The following ZMAT4 variants were observed in gnomAD, a reference collection of about 807,000 sequenced individuals.
The protein encoded by ZMAT4 is zinc finger matrin-type 4.
In ZMAT4, 17 loss-of-function variants were observed where a neutral mutation model predicts 28.7. The ratio of observed to expected loss-of-function variants is 0.59; its 90% CI spans 0.41 to 0.89. The LOEUF is 0.89. ZMAT4 is among the 40% of genes least tolerant of loss of function. The probability of loss-of-function intolerance (pLI) is 0.00; values close to 1 mark genes in which losing one functional copy is unlikely to be tolerated. For synonymous variants in ZMAT4, 117 were observed against 109.2 expected (o/e 1.07, Z -0.44); for missense variants, 240 against 283.8 (o/e 0.85, Z 1.11).
chr8:40,689,758 T>C (rs1053231115), intron 4 of ZMAT4, among the ~76,000 whole-genome samples: 6 of 152,042 alleles, frequency 3.9e-5, no homozygotes, highest in African/African-American at 1.2e-4. Flanking sequence ...TGACCATGTC[T>C]CCTGTTGACA....
At chr8:40,572,085 C>T (rs1811352) in intron 6 of ZMAT4, among the ~76,000 whole-genome samples, 16,972 of 152,022 alleles carry the variant, frequency 0.11, 1,233 homozygotes, top group Admixed American at 0.2. Context: ...TGCTTTTATT[C>T]TTTTATTAAA....
At chr8:40,811,987 C>T (rs1815337662) in intron 2 of ZMAT4, among the ~76,000 whole-genome samples, 1 of 150,906 alleles carries the variant, frequency 6.6e-6, no homozygotes, top group South Asian at 2.1e-4. Context: ...AAAAATTAGC[C>T]AGGCGTGGTG....
intron 3 of ZMAT4, among the ~76,000 whole-genome samples, chr8:40,717,185 C>T (rs1054954021): frequency 6.6e-6 from 1 of 152,156 alleles, no homozygotes; most frequent in African/African-American, 2.4e-5. Flanking sequence ...AATGAAGGTC[C>T]TTAAGTCCCA....
chr8:40,794,083 A>AT (rs955361686), intron 2 of ZMAT4, among the ~76,000 whole-genome samples: 21 of 148,366 alleles, frequency 1.4e-4, no homozygotes, highest in Non-Finnish European at 2.6e-4. Flanking sequence ...TCAAAAGGCA[A>AT]TTTTTTTAAT....
At chr8:40,738,315 C>T (rs1159818399) in intron 3 of ZMAT4, among the ~76,000 whole-genome samples, 1 of 152,122 alleles carries the variant, frequency 6.6e-6, no homozygotes, top group Non-Finnish European at 1.5e-5. Flanking sequence ...TGGAGACACG[C>T]CTTGAACAAA....
At chr8:40,663,453 T>A (rs1808283900) in intron 5 of ZMAT4, among the ~76,000 whole-genome samples, 1 of 152,194 alleles carries the variant, frequency 6.6e-6, no homozygotes, top group Admixed American at 6.6e-5. Context: ...CATTCCCTTA[T>A]AAATTCAAGC....
At chr8:40,611,993 C>G (rs921302716) in intron 5 of ZMAT4, among the ~76,000 whole-genome samples, 2 of 152,134 alleles carry the variant, frequency 1.3e-5, no homozygotes, top group African/African-American at 4.8e-5. Flanking sequence ...CTGGAGTAGT[C>G]CAGCACATGG....
intron 3 of ZMAT4, among the ~76,000 whole-genome samples, chr8:40,749,042 T>G (rs993836928): frequency 2.6e-5 from 4 of 152,202 alleles, no homozygotes. Flanking sequence ...CACTTGATTC[T>G]CACTGTCTCT....
intron 5 of ZMAT4, among the ~76,000 whole-genome samples, chr8:40,618,808 G>T (rs1806102620): frequency 1.3e-5 from 2 of 152,170 alleles, no homozygotes; most frequent in Non-Finnish European, 2.9e-5. Context: ...CCTTGCTCCT[G>T]TTCAAATGGC....
At chr8:40,752,622 TG>T (rs1812501145) in intron 3 of ZMAT4, among the ~76,000 whole-genome samples, 1 of 152,196 alleles carries the variant, frequency 6.6e-6, no homozygotes, top group South Asian at 2.1e-4. Flanking sequence ...ATTCTCAGCC[TG>T]GAAGTCATTT....
At chr8:40,845,626 T>C (rs559964540) in intron 1 of ZMAT4, among the ~76,000 whole-genome samples, 62 of 151,482 alleles carry the variant, frequency 4.1e-4, no homozygotes, top group African/African-American at 1.5e-3. Context: ...TCAGGCAAGA[T>C]AGTCCTGACA....
chr8:40,714,846 T>C (rs1049785273), intron 3 of ZMAT4, among the ~76,000 whole-genome samples: 3 of 151,848 alleles, frequency 2.0e-5, no homozygotes, highest in African/African-American at 7.3e-5. Context: ...GTCAGGATAT[T>C]GAGACCATCC....
At chr8:40,713,661 C>A (rs1810720093) in intron 3 of ZMAT4, among the ~76,000 whole-genome samples, 1 of 151,916 alleles carries the variant, frequency 6.6e-6, no homozygotes, top group African/African-American at 2.4e-5. Flanking sequence ...CTAATCCCAG[C>A]ACTTTGGGAG....
At chr8:40,836,596 T>A (rs1586142892) in intron 1 of ZMAT4, among the ~76,000 whole-genome samples, 1 of 152,142 alleles carries the variant, frequency 6.6e-6, no homozygotes, top group South Asian at 2.1e-4. Flanking sequence ...AATATTTACA[T>A]GAAGAATTTG....
At chr8:40,698,778 TTG>T (rs1369919844) in intron 3 of ZMAT4, among the ~76,000 whole-genome samples, 1 of 151,748 alleles carries the variant, frequency 6.6e-6, no homozygotes, top group African/African-American at 2.4e-5. Context: ...AAGGAAGGGG[TTG>T]TGTGTGTGTC....
intron 3 of ZMAT4, among the ~76,000 whole-genome samples, chr8:40,736,997 T>C (rs1017725227): frequency 1.3e-5 from 2 of 152,128 alleles, no homozygotes; most frequent in African/African-American, 2.4e-5. Context: ...AACTTCCAGA[T>C]GGAAAGATCT....
At chr8:40,668,468 C>CA (rs71224843) in intron 5 of ZMAT4, among the ~76,000 whole-genome samples, 62 of 84,920 alleles carry the variant, frequency 7.3e-4, no homozygotes, top group Non-Finnish European at 1.0e-3. Flanking sequence ...GACTTTGTCT[C>CA]AAAAAAAAAA....
At chr8:40,586,152 G>C (rs1347860500) in intron 5 of ZMAT4, among the ~76,000 whole-genome samples, 2 of 152,188 alleles carry the variant, frequency 1.3e-5, no homozygotes, top group Non-Finnish European at 2.9e-5. Context: ...CCCCACGCAT[G>C]ACACAGTGTC....
intron 3 of ZMAT4, among the ~76,000 whole-genome samples, chr8:40,760,680 A>ATCTC (rs35049635): frequency 4.6e-4 from 66 of 142,532 alleles, no homozygotes; most frequent in African/African-American, 1.3e-3. Flanking sequence ...GACCGCAAAG[A>ATCTC]TCTCTCTCTC....
Sources: allele counts gnomAD v4.1 joint callset (sites outside exome capture counted in the v4.1 genomes callset), GRCh38; gene constraint gnomAD v4.1.1; transcripts MANE v1.5; gene names NCBI Gene and HGNC (gene_info 2026-07-23, HGNC 2026-07-21).